PDZRN3: variants seen among roughly 807,000 people sequenced by gnomAD.
PDZRN3 encodes PDZ domain containing ring finger 3, also known as E3 ubiquitin-protein ligase PDZRN3.
PDZRN3 carries 38 observed loss-of-function variants against 85.7 expected under a neutral mutation model. That is an observed-to-expected ratio of 0.44 (90% CI 0.34 to 0.58). PDZRN3 has a LOEUF of 0.58. Ranked by LOEUF, PDZRN3 falls within the 20% of genes least tolerant of loss-of-function variation. PDZRN3 has a pLI of 0.01. For missense variants in PDZRN3, 1,629 were observed against 1,506.4 expected, an observed-to-expected ratio of 1.08 and a Z score of -1.35; for synonymous variants, 759 against 638.0, an observed-to-expected ratio of 1.19 and a Z score of -2.86.
At chr3:73,509,507 T>C (rs980028357) in intron 3 of PDZRN3, among the ~76,000 whole-genome samples, 1 of 152,240 alleles carries the variant, frequency 6.6e-6, no homozygotes, top group Non-Finnish European at 1.5e-5. Flanking sequence ...TGGTGGCTCA[T>C]GTCCCTTCTG....
intron 3 of PDZRN3, among the ~76,000 whole-genome samples, chr3:73,428,160 GCT>G (rs753975809): frequency 6.6e-6 from 1 of 152,148 alleles, no homozygotes; most frequent in Non-Finnish European, 1.5e-5. Flanking sequence ...ATCTCACAGG[GCT>G]CTGTGAGCCA....
intron 3 of PDZRN3, among the ~76,000 whole-genome samples, chr3:73,548,620 C>A (rs1202947353): frequency 6.6e-6 from 1 of 152,200 alleles, no homozygotes; most frequent in Admixed American, 6.5e-5. Context: ...TTCACACAAG[C>A]ATTTATTAAG....
chr3:73,476,320 A>G (rs1193943408), intron 3 of PDZRN3, among the ~76,000 whole-genome samples: 2 of 152,186 alleles, frequency 1.3e-5, no homozygotes, highest in Non-Finnish European at 2.9e-5. Flanking sequence ...AGAGCAGGGA[A>G]GAGAGATAGA....
intron 3 of PDZRN3, among the ~76,000 whole-genome samples, chr3:73,429,475 TAA>T (rs1171594107): frequency 6.6e-6 from 1 of 152,210 alleles, no homozygotes; most frequent in Admixed American, 6.5e-5. Context: ...TCTACAGCAG[TAA>T]ACTCATCTGA....
At chr3:73,417,527 A>G (rs1702117135) in intron 3 of PDZRN3, among the ~76,000 whole-genome samples, 1 of 152,190 alleles carries the variant, frequency 6.6e-6, no homozygotes, top group Non-Finnish European at 1.5e-5. Flanking sequence ...TTTGTCCTAA[A>G]CTTTGTCAAA....
intron 3 of PDZRN3, among the ~76,000 whole-genome samples, chr3:73,587,646 G>T (rs1702296697): frequency 6.6e-6 from 1 of 152,122 alleles, no homozygotes; most frequent in Admixed American, 6.6e-5. Context: ...CTCTATAGTG[G>T]ATTCTAATCT....
chr3:73,588,129 T>C (rs979448604), intron 3 of PDZRN3, among the ~76,000 whole-genome samples: 9 of 152,150 alleles, frequency 5.9e-5, no homozygotes, highest in African/African-American at 1.7e-4. Flanking sequence ...TGTTCCTCTC[T>C]GTGTCCATGT....
At chr3:73,574,029 T>A (rs1379622427) in intron 3 of PDZRN3, among the ~76,000 whole-genome samples, 2 of 152,158 alleles carry the variant, frequency 1.3e-5, no homozygotes, top group Non-Finnish European at 1.5e-5. Context: ...TCTTAGTACA[T>A]CCTCTGGACA....
chr3:73,405,088 C>T (rs1249033615), intron 3 of PDZRN3, among the ~76,000 whole-genome samples: 2 of 152,196 alleles, frequency 1.3e-5, no homozygotes, highest in Non-Finnish European at 2.9e-5. Flanking sequence ...GAAGATACCT[C>T]TCAACAGTTC....
chr3:73,623,255 G>A (rs919241495), intron 1 of PDZRN3, among the ~76,000 whole-genome samples: 11 of 152,208 alleles, frequency 7.2e-5, no homozygotes, highest in Admixed American at 2.6e-4. Flanking sequence ...TTCGCACTGA[G>A]GGAAACTGAG....
At chr3:73,619,822 C>G (rs1702825394) in intron 1 of PDZRN3, among the ~76,000 whole-genome samples, 1 of 152,116 alleles carries the variant, frequency 6.6e-6, no homozygotes, top group Non-Finnish European at 1.5e-5. Context: ...AAAAGATACA[C>G]ATTTATAAGA....
chr3:73,574,751 C>A (rs186869167), intron 3 of PDZRN3, among the ~76,000 whole-genome samples: 1 of 152,224 alleles, frequency 6.6e-6, no homozygotes, highest in Admixed American at 6.5e-5. Flanking sequence ...ATACAGCAAA[C>A]TTAGCCAAAG....
chr3:73,475,314 G>A (rs1009236426), intron 3 of PDZRN3, among the ~76,000 whole-genome samples: 7 of 152,088 alleles, frequency 4.6e-5, no homozygotes, highest in African/African-American at 1.4e-4. Context: ...AACACCAAGC[G>A]TGCTGACTTA....
chr3:73,436,363 T>C (rs1198319226), intron 3 of PDZRN3, among the ~76,000 whole-genome samples: 1 of 152,204 alleles, frequency 6.6e-6, no homozygotes, highest in African/African-American at 2.4e-5. Flanking sequence ...AAGGATGACC[T>C]GTGCGGTCTC....
At chr3:73,402,741 T>C (rs1157137182) in intron 4 of PDZRN3, among the ~76,000 whole-genome samples, 1 of 152,114 alleles carries the variant, frequency 6.6e-6, no homozygotes, top group Non-Finnish European at 1.5e-5. Context: ...ATGTGCTCAC[T>C]CCAGCTACTG....
chr3:73,615,726 A>G (rs1354115695), intron 1 of PDZRN3, among the ~76,000 whole-genome samples: 1 of 152,076 alleles, frequency 6.6e-6, no homozygotes, highest in Admixed American at 6.5e-5. Flanking sequence ...AAGCTATCCA[A>G]TTTCTGGTAT....
intron 3 of PDZRN3, among the ~76,000 whole-genome samples, chr3:73,504,012 A>G (rs77223087): frequency 6.6e-6 from 1 of 152,318 alleles, no homozygotes; most frequent in East Asian, 1.9e-4. Flanking sequence ...AGTTGAACAC[A>G]GTATCCCGAA....
intron 3 of PDZRN3, among the ~76,000 whole-genome samples, chr3:73,525,513 C>A (rs1350861665): frequency 6.6e-6 from 1 of 152,178 alleles, no homozygotes; most frequent in Admixed American, 6.5e-5. Context: ...CTTTCATGTT[C>A]ATAAATTTGA....
chr3:73,496,705 G>C (rs1029428493), intron 3 of PDZRN3, among the ~76,000 whole-genome samples: 3 of 151,800 alleles, frequency 2.0e-5, no homozygotes, highest in Non-Finnish European at 4.4e-5. Flanking sequence ...AATAAAAAAG[G>C]TAAAAAAATT....
Sources: allele counts gnomAD v4.1 joint callset (sites outside exome capture counted in the v4.1 genomes callset), GRCh38; gene constraint gnomAD v4.1.1; transcripts MANE v1.5; gene names NCBI Gene and HGNC (gene_info 2026-07-23, HGNC 2026-07-21).